Variants in PCDHAC2 observed in about 807,000 individuals in gnomAD.
The protein encoded by PCDHAC2 is protocadherin alpha-C2.
PCDHAC2 carries 24 observed loss-of-function variants against 63.3 expected under a neutral mutation model. That is an observed-to-expected ratio of 0.38 (90% confidence interval 0.27 to 0.53). The LOEUF (loss-of-function observed/expected upper bound fraction) is 0.53, where lower values mean the gene tolerates loss of function less well. PCDHAC2 is among the 20% of genes least tolerant of loss of function. The probability of loss-of-function intolerance (pLI) is 0.81; values close to 1 mark genes in which losing one functional copy is unlikely to be tolerated. For synonymous variants in PCDHAC2, 569 were observed against 529.4 expected (o/e 1.07, Z -1.03); for missense variants, 1,181 against 1,275.2 (o/e 0.93, Z 1.12).
At position 141,004,143 on chromosome 5, in the gene PCDHAC2, C is replaced by T. The variant is rs1023273119; in HGVS notation, c.2714-5484C>T. 2.6e-5 allele frequency among the ~76,000 whole-genome samples: 4 copies of T among 152,252 alleles called. No homozygotes were observed. In the East Asian group the frequency reaches 7.7e-4, roughly 29 times the overall value. ...TATCTCCATGATTCTGCCCCAAAGG[C>T]ATGACATTTTATAGGCAAAGCCAGC... On this transcript the variant is annotated intron_variant, in intron 3 of 3. Transcript: ENST00000289269.
chr5:141,006,405 C>T (rs782532612), intron 3 of PCDHAC2, among the ~76,000 whole-genome samples: 28 of 151,916 alleles, frequency 1.8e-4, no homozygotes, highest in Middle Eastern at 6.8e-3. Context: ...AGTAGAGACG[C>T]GGTTTCACTG....
Position 140,967,700 on chromosome 5 carries a change from G to T in PCDHAC2, c.934G>T (p.Ala312Ser). The change falls in exon 1 of 4, where the codon GCC becomes TCC. Residue 312 changes from alanine (A) to serine (S), a missense_variant. Coordinates refer to ENST00000289269, the MANE Select transcript of PCDHAC2 (RefSeq NM_018899.6). ...GGAGAGGCAGCTCTTCAGCATAGAT[G>T]CCAGTACCGGGGAAGTGCGAGTAAT... ...DRERQLFSID[A>S]STGEVRVIGG... 6.2e-7 allele frequency: 1 copy of T among 1,614,196 alleles called. No individual in the cohort carries two copies. The highest frequency in any genetic ancestry group is 8.5e-7 in the Non-Finnish European group (1 of 1,180,042).
chr5:140,969,826 A>G (rs782339572), intron 1 of PCDHAC2, among the ~76,000 whole-genome samples: 24 of 152,344 alleles, frequency 1.6e-4, no homozygotes, highest in Middle Eastern at 3.4e-3. Flanking sequence ...TGGACTGTCT[A>G]CAGTGGAAAT....
intron 1 of PCDHAC2, among the ~76,000 whole-genome samples, chr5:140,970,004 G>A (rs1322154107): frequency 6.6e-6 from 1 of 152,200 alleles, no homozygotes; most frequent in Non-Finnish European, 1.5e-5. Context: ...CAGAGGGAGT[G>A]GATGATGGTG....
Position 140,968,782 on chromosome 5 carries a change from C to T in PCDHAC2, c.2016C>T (p.Ala672=), listed in dbSNP as rs1256152245. The change falls in exon 1 of 4, where the codon GCC becomes GCT. Residue 672 remains alanine, a synonymous_variant. Coordinates refer to ENST00000289269, the MANE Select transcript of PCDHAC2 (RefSeq NM_018899.6). ...VRDNGEPSLS[A]SVAITVAVVD... ...ATAATGGAGAGCCATCACTATCAGC[C>T]TCTGTGGCCATTACAGTAGCTGTGG... 2.7e-5 allele frequency: 43 copies of T among 1,614,072 alleles called. No homozygotes were observed. The highest frequency in any genetic ancestry group is 8.0e-5 in the African/African-American group (6 of 74,932).
chr5:141,006,346 G>C (rs2098268580), intron 3 of PCDHAC2, among the ~76,000 whole-genome samples: 1 of 151,806 alleles, frequency 6.6e-6, no homozygotes, highest in South Asian at 2.1e-4. Context: ...TGAGTAGCTG[G>C]GACTATAGGC....
intron 3 of PCDHAC2, among the ~76,000 whole-genome samples, chr5:140,991,982 A>ACCAC (rs2097483325): frequency 6.6e-6 from 1 of 151,494 alleles, no homozygotes; most frequent in African/African-American, 2.4e-5. Context: ...TATTCTGCCT[A>ACCAC]CCACCCGGTC....
chr5:140,967,578 C>T lies in PCDHAC2; in HGVS notation c.812C>T (p.Pro271Leu), dbSNP rs868970551. 3 of 1,614,000 alleles carry T rather than the reference C, an allele frequency of 1.9e-6. No individual in the cohort carries two copies. Among genetic ancestry groups the T allele is most frequent in the Non-Finnish European group, 2.5e-6 (3 of 1,180,034 alleles). ...CGCGTCCAGCTACGGGAGGACTCACCCCCAGGCACATTGGTGGTGAAGCTG... is the reference window on the plus strand; with the variant it reads ...CGCGTCCAGCTACGGGAGGACTCACTCCCAGGCACATTGGTGGTGAAGCTG... ...TYRVQLREDSPPGTLVVKLNA... is the reference protein window; with the variant it reads ...TYRVQLREDSLPGTLVVKLNA... The change falls in exon 1 of 4, where the codon CCC (proline) becomes CTC (leucine). Residue 271 changes from proline (P) to leucine (L), a missense_variant. Pro to Leu is a moderately conservative substitution (Grantham distance 98, BLOSUM62 -3). This residue lies in a region of PCDHAC2 where 968 missense variants were observed against 1,073.5 expected (regional missense o/e 0.90). Coordinates refer to ENST00000289269, the MANE Select transcript of PCDHAC2 (RefSeq NM_018899.6).
chr5:141,008,359 G>A (rs1369587129), intron 3 of PCDHAC2, among the ~76,000 whole-genome samples: 1 of 152,150 alleles, frequency 6.6e-6, no homozygotes, highest in Non-Finnish European at 1.5e-5. Flanking sequence ...GTCAACCAAA[G>A]GAGCAGTGTT....
At chr5:141,000,421 A>ATATTT (rs1265241806) in intron 3 of PCDHAC2, among the ~76,000 whole-genome samples, 4 of 27,980 alleles carry the variant, frequency 1.4e-4, no homozygotes, top group Non-Finnish European at 1.1e-4. Context: ...ATATATATAT[A>ATATTT]TTTTTTTTTT....
rs192086826 is a variant in PCDHAC2, at chr5:140,981,520, G to C, written c.2625-955G>C. ...ACCTGGGAGGCAGAGGTTGCAGTGA[G>C]CTGAGATCGTGCCACTGTACTCCAG... On this transcript the variant is annotated intron_variant, in intron 2 of 3. Coordinates refer to ENST00000289269, the MANE Select transcript of PCDHAC2 (RefSeq NM_018899.6). Among the ~76,000 whole-genome samples the C allele has an allele frequency of 3.3e-5, 5 of 152,342 alleles. No homozygotes were observed. The East Asian group carries it at 9.6e-4, about 29-fold the overall frequency.
intron 3 of PCDHAC2, among the ~76,000 whole-genome samples, chr5:140,997,720 G>A (rs973128921): frequency 3.3e-5 from 5 of 151,568 alleles, no homozygotes; most frequent in East Asian, 1.9e-4. Context: ...ACCTTTCTAC[G>A]TCAGTACATA....
chr5:140,982,943 A>G (rs2097017074), intron 3 of PCDHAC2, among the ~76,000 whole-genome samples: 1 of 151,992 alleles, frequency 6.6e-6, no homozygotes, highest in Admixed American at 6.5e-5. Flanking sequence ...CTTTTGGTTG[A>G]AGACTATGGA....
intron 3 of PCDHAC2, among the ~76,000 whole-genome samples, chr5:141,003,251 C>T (rs1240561091): frequency 6.6e-6 from 1 of 152,176 alleles, no homozygotes; most frequent in Admixed American, 6.5e-5. Flanking sequence ...AAAAAGATTC[C>T]TGGGCAGTGC....
Position 141,010,530 on chromosome 5 carries a change from A to T in PCDHAC2, c.*593A>T, listed in dbSNP as rs188140091. 45 of 414,090 alleles carry T rather than the reference A, an allele frequency of 1.1e-4. No homozygotes were observed. In the Admixed American group the frequency reaches 1.6e-3, roughly 15 times the overall value. The allele number at this position is 414,090 out of a possible 1,614,324, so 25.7% of individuals were successfully genotyped here. On this transcript the variant is annotated 3_prime_UTR_variant, in exon 4 of 4. Coordinates refer to ENST00000289269, the MANE Select transcript of PCDHAC2 (RefSeq NM_018899.6). ...TCTTACAACTCAAGAGGTGGCAGCC[A>T]CCCTCTAGGAGACAAAACTACCCCC... is the stretch of plus-strand genomic sequence containing the variant.
At chr5:140,998,722 G>A (rs572133347) in intron 3 of PCDHAC2, among the ~76,000 whole-genome samples, 4 of 152,002 alleles carry the variant, frequency 2.6e-5, no homozygotes, top group Non-Finnish European at 4.4e-5. Flanking sequence ...GCACCACCAC[G>A]CTAGGCTAAT....
At chr5:141,003,432 C>T (rs1175854943) in intron 3 of PCDHAC2, among the ~76,000 whole-genome samples, 1 of 152,124 alleles carries the variant, frequency 6.6e-6, no homozygotes, top group African/African-American at 2.4e-5. Context: ...ATGCCTCAGC[C>T]TCCCAAGTAG....
Position 140,967,181 on chromosome 5 carries a change from T to C in PCDHAC2, c.415T>C (p.Leu139=), listed in dbSNP as rs782433025. 2.5e-6 allele frequency: 4 copies of C among 1,613,136 alleles called. No homozygotes were observed. Among genetic ancestry groups the C allele is most frequent in the East Asian group, 2.2e-5 (1 of 44,836 alleles). ...VAVSAVEVEI[L]DINDNSPRFP... is the part of the protein sequence containing the mutation. ...GGTGAGCGCCGTTGAGGTGGAAATA[T>C]TGGACATCAACGACAACTCACCGCG... The change falls in exon 1 of 4, where the codon TTG becomes CTG. Residue 139 remains leucine, a synonymous_variant. Coordinates refer to ENST00000289269, the MANE Select transcript of PCDHAC2 (RefSeq NM_018899.6).
At chr5:141,004,681 G>A (rs1554259668) in intron 3 of PCDHAC2, among the ~76,000 whole-genome samples, 1 of 152,176 alleles carries the variant, frequency 6.6e-6, no homozygotes. Flanking sequence ...CTGTGGAGTG[G>A]TGCTGAAACC....
Sources: gnomAD v4.1 joint callset for allele counts (sites outside exome capture counted in the v4.1 genomes callset) on GRCh38, gnomAD v4.1.1 for gene constraint, gnomAD v4.1.1 regional missense constraint, MANE v1.5 for transcripts, NCBI Gene and HGNC (gene_info 2026-07-23, HGNC 2026-07-21) for gene names.